The following DPP10 variants were observed in gnomAD, a reference collection of about 807,000 sequenced individuals.
DPP10 encodes the protein dipeptidyl peptidase like 10.
DPP10 carries 33 observed loss-of-function variants against 120.9 expected under a neutral mutation model. That is an observed-to-expected ratio of 0.27 (90% CI 0.21 to 0.37). DPP10 has a LOEUF of 0.37. Ranked by LOEUF, DPP10 falls within the 10% of genes least tolerant of loss-of-function variation. The probability of loss-of-function intolerance (pLI) is 1.00; values close to 1 mark genes in which losing one functional copy is unlikely to be tolerated. For synonymous variants in DPP10, 337 were observed against 326.1 expected, an observed-to-expected ratio of 1.03 and a Z score of -0.36; for missense variants, 816 against 942.8, an observed-to-expected ratio of 0.87 and a Z score of 1.76.
chr2:115,263,873 A>T (rs749514031), intron 1 of DPP10, among the ~76,000 whole-genome samples: 2 of 151,484 alleles, frequency 1.3e-5, no homozygotes, highest in Non-Finnish European at 2.9e-5. Flanking sequence ...TGCAAAAATC[A>T]CAAAGGGATT....
intron 1 of DPP10, among the ~76,000 whole-genome samples, chr2:115,263,887 AAC>A (rs146158432): frequency 1.4e-4 from 21 of 150,302 alleles, no homozygotes; most frequent in Non-Finnish European, 1.8e-4. Flanking sequence ...AGGGATTCAA[AAC>A]ACACACACAC....
intron 1 of DPP10, among the ~76,000 whole-genome samples, chr2:115,083,386 C>A (rs2104509522): frequency 6.6e-6 from 1 of 152,246 alleles, no homozygotes; most frequent in South Asian, 2.1e-4. Context: ...TTCAACATAT[C>A]CCAAAGTATG....
intron 1 of DPP10, among the ~76,000 whole-genome samples, chr2:114,500,904 G>A (rs56735442): frequency 0.042 from 6,343 of 152,214 alleles, 226 homozygotes; most frequent in Middle Eastern, 0.092. Context: ...TAAGGGCAGC[G>A]GAGGGCAATG....
At chr2:115,507,682 G>A (rs555578785) in intron 4 of DPP10, among the ~76,000 whole-genome samples, 1 of 152,222 alleles carries the variant, frequency 6.6e-6, no homozygotes, top group South Asian at 2.1e-4. Context: ...GAGTTTTGTA[G>A]GTCAAGGTTT....
chr2:114,930,775 T>C (rs983731539), intron 1 of DPP10, among the ~76,000 whole-genome samples: 13 of 152,138 alleles, frequency 8.5e-5, no homozygotes, highest in African/African-American at 3.1e-4. Flanking sequence ...CAGTGGAAGA[T>C]GAAATGGAGC....
rs181953401 is a variant in DPP10, at chr2:115,054,702, G to A, written c.61-254537G>A. 3.6e-3 allele frequency among the ~76,000 whole-genome samples: 554 copies of A among 152,196 alleles called. 5 individuals are homozygous for A. The highest frequency in any genetic ancestry group is 0.013 in the African/African-American group (531 of 41,512). ...CTGAGGCAGGTGGATCATGAGGTCA[G>A]GAGTTCAAGAGCAGCCTGGCCAATA... is the stretch of plus-strand genomic sequence containing the variant. On this transcript the variant is annotated intron_variant, in intron 1 of 25. Coordinates refer to ENST00000410059, the MANE Select transcript of DPP10 (RefSeq NM_020868.6).
chr2:115,654,359 T>C (rs1278644753), intron 5 of DPP10, among the ~76,000 whole-genome samples: 1 of 151,952 alleles, frequency 6.6e-6, no homozygotes, highest in African/African-American at 2.4e-5. Flanking sequence ...AATAACGTTT[T>C]CTATTAATAA....
chr2:114,640,297 G>A (rs1695611797), intron 1 of DPP10, among the ~76,000 whole-genome samples: 1 of 151,878 alleles, frequency 6.6e-6, no homozygotes, highest in African/African-American at 2.4e-5. Flanking sequence ...GCTGGTCAGA[G>A]AAGGTCATAC....
chr2:114,457,168 G>T (rs952367130), intron 1 of DPP10, among the ~76,000 whole-genome samples: 1 of 152,152 alleles, frequency 6.6e-6, no homozygotes, highest in Admixed American at 6.5e-5. Flanking sequence ...TGTATCTTAC[G>T]CAGACTCTGT....
intron 7 of DPP10, among the ~76,000 whole-genome samples, chr2:115,720,850 G>A (rs2092631510): frequency 6.6e-6 from 1 of 152,080 alleles, no homozygotes; most frequent in African/African-American, 2.4e-5. Flanking sequence ...AAAACAAAAG[G>A]TCTAAGGTTC....
chr2:115,152,378 A>G lies in DPP10; in HGVS notation c.61-156861A>G, dbSNP rs189346510. On this transcript the variant is annotated intron_variant, in intron 1 of 25. Transcript: ENST00000410059. ...CTCTGGTCCATAGGAATTTCATTCT[A>G]TGTTTCCTTGTAGCAACTTTGTTTT... Among the ~76,000 whole-genome samples, 670 of 152,344 alleles carry G rather than the reference A, an allele frequency of 4.4e-3. 4 individuals carry two copies. The highest frequency in any genetic ancestry group is 0.015 in the African/African-American group (618 of 41,584).
At chr2:114,902,392 A>G (rs1020356052) in intron 1 of DPP10, among the ~76,000 whole-genome samples, 2 of 152,230 alleles carry the variant, frequency 1.3e-5, no homozygotes, top group Non-Finnish European at 2.9e-5. Flanking sequence ...TAAAAATGCA[A>G]CAGTCTATTT....
At chr2:115,237,834 A>G (rs922240168) in intron 1 of DPP10, among the ~76,000 whole-genome samples, 1 of 152,176 alleles carries the variant, frequency 6.6e-6, no homozygotes, top group African/African-American at 2.4e-5. Flanking sequence ...GCTGAGAGAG[A>G]TGAGGAAATT....
intron 5 of DPP10, among the ~76,000 whole-genome samples, chr2:115,544,776 G>A (rs764986289): frequency 2.0e-5 from 3 of 151,872 alleles, no homozygotes; most frequent in African/African-American, 4.8e-5. Flanking sequence ...CCTACAGAGG[G>A]GTATAAACTG....
intron 1 of DPP10, among the ~76,000 whole-genome samples, chr2:114,576,137 T>C (rs1690032120): frequency 6.6e-6 from 1 of 152,164 alleles, no homozygotes; most frequent in Admixed American, 6.5e-5. Context: ...ATGGTGGTGG[T>C]GGGATATCAA....
At chr2:115,156,227 A>T (rs1450019358) in intron 1 of DPP10, among the ~76,000 whole-genome samples, 1 of 152,232 alleles carries the variant, frequency 6.6e-6, no homozygotes, top group Non-Finnish European at 1.5e-5. Flanking sequence ...TTGTATAATC[A>T]CCTGACTCTG....
intron 1 of DPP10, among the ~76,000 whole-genome samples, chr2:114,601,790 T>A (rs1692387883): frequency 6.6e-6 from 1 of 151,936 alleles, no homozygotes; most frequent in Admixed American, 6.6e-5. Flanking sequence ...TCTGAAGTCA[T>A]GTTGATTCTA....
At chr2:115,738,096 C>G (rs1676801761) in intron 8 of DPP10, among the ~76,000 whole-genome samples, 1 of 152,144 alleles carries the variant, frequency 6.6e-6, no homozygotes, top group South Asian at 2.1e-4. Flanking sequence ...ATGCTTTTGT[C>G]CAAACATTCT....
At chr2:115,127,735 A>G (rs1263657592) in intron 1 of DPP10, among the ~76,000 whole-genome samples, 1 of 152,134 alleles carries the variant, frequency 6.6e-6, no homozygotes, top group African/African-American at 2.4e-5. Context: ...TTTACTATAC[A>G]CATTTATATT....
Sources: allele counts gnomAD v4.1 joint callset (sites outside exome capture counted in the v4.1 genomes callset), GRCh38; gene constraint gnomAD v4.1.1; transcripts MANE v1.5; gene names NCBI Gene and HGNC (gene_info 2026-07-23, HGNC 2026-07-21).